NUP205: variants seen among roughly 807,000 people sequenced by gnomAD.
NUP205 encodes the protein nuclear pore complex protein Nup205.
Under a neutral mutation model 253.8 loss-of-function variants are expected in NUP205, and 76 were observed. The ratio of observed to expected loss-of-function variants is 0.30; its 90% CI spans 0.25 to 0.36. The LOEUF (loss-of-function observed/expected upper bound fraction) is 0.36. NUP205 is among the 10% of genes least tolerant of loss of function. The pLI, the probability that NUP205 is intolerant of heterozygous loss-of-function variation, is 1.00. For missense variants in NUP205, 2,162 were observed against 2,425.5 expected (o/e 0.89, Z 2.28); for synonymous variants, 832 against 850.1 (o/e 0.98, Z 0.37).
At chr7:135,590,496 G>A (rs1806599821) in intron 10 of NUP205, among the ~76,000 whole-genome samples, 1 of 151,594 alleles carries the variant, frequency 6.6e-6, no homozygotes, top group Non-Finnish European at 1.5e-5. Flanking sequence ...ATTTAAGTAA[G>A]TATATCTCTC....
intron 22 of NUP205, among the ~76,000 whole-genome samples, chr7:135,610,297 C>G (rs183074003): frequency 6.6e-6 from 1 of 152,090 alleles, no homozygotes; most frequent in African/African-American, 2.4e-5. Flanking sequence ...CTCAGCTCAC[C>G]GCAACCTCCA....
At chr7:135,638,476 TTTC>T in intron 37 of NUP205, 78 bp from the exon 38 acceptor site, 11 of 1,329,072 alleles carry the variant, frequency 8.3e-6, no homozygotes, top group Non-Finnish European at 1.1e-5. Context: ...TTGATAACCT[TTTC>T]TTCTTCAAAT....
At chr7:135,622,684 C>A (rs201225914) in intron 30 of NUP205, 93 bp from the exon 31 acceptor site, 75 of 932,506 alleles carry the variant, frequency 8.0e-5, no homozygotes, top group Non-Finnish European at 8.6e-5. Context: ...TTTTTTTTTT[C>A]TTCCTTAGCT....
Position 135,616,068 on chromosome 7 carries a change from G to A in NUP205, c.3460+3G>A. On this transcript the variant is annotated splice_donor_region_variant and intron_variant, in intron 24 of 42. Coordinates refer to ENST00000285968, the MANE Select transcript of NUP205 (RefSeq NM_015135.3). Reference sequence around the variant, plus strand: ...CATGCCAGTGAAACCATACTCAGGTGAGTATTAGTATTTGTTTTATTGTGC... The same window carrying A: ...CATGCCAGTGAAACCATACTCAGGTAAGTATTAGTATTTGTTTTATTGTGC... The A allele has an allele frequency of 2.5e-6, 4 of 1,612,240 alleles. No individual in the cohort carries two copies. Among genetic ancestry groups the A allele is most frequent in the Non-Finnish European group, 2.5e-6 (3 of 1,179,138 alleles).
intron 1 of NUP205, among the ~76,000 whole-genome samples, chr7:135,561,330 C>G (rs892239740): frequency 1.2e-4 from 18 of 152,056 alleles, no homozygotes; most frequent in African/African-American, 4.1e-4. Context: ...GGCAACAGAG[C>G]GAGACTCTGT....
At chr7:135,627,859 T>G (rs1396740860) in intron 33 of NUP205, 114 bp from the exon 34 acceptor site, 8 of 1,034,654 alleles carry the variant, frequency 7.7e-6, no homozygotes, top group Non-Finnish European at 1.2e-5. Flanking sequence ...TACTCACTAG[T>G]TGATTCACAT....
At chr7:135,632,282 A>G (rs1794730377) in intron 35 of NUP205, among the ~76,000 whole-genome samples, 1 of 151,678 alleles carries the variant, frequency 6.6e-6, no homozygotes, top group Non-Finnish European at 1.5e-5. Flanking sequence ...AATTGATTGG[A>G]AGACACAGCA....
At chr7:135,593,798 A>G (rs951354287) in intron 12 of NUP205, among the ~76,000 whole-genome samples, 2 of 152,198 alleles carry the variant, frequency 1.3e-5, no homozygotes, top group Non-Finnish European at 2.9e-5. Context: ...GTCAGTTATT[A>G]ACTATTTCTC....
At chr7:135,617,463 T>C (rs1794385460) in intron 26 of NUP205, 139 bp from the exon 27 acceptor site, 1 of 718,066 alleles carries the variant, frequency 1.4e-6, no homozygotes, top group East Asian at 2.7e-5. Flanking sequence ...GGTCTGGAAA[T>C]TGGACAGTGC....
intron 35 of NUP205, among the ~76,000 whole-genome samples, chr7:135,633,418 C>G (rs1183640031): frequency 6.6e-6 from 1 of 152,092 alleles, no homozygotes; most frequent in Non-Finnish European, 1.5e-5. Flanking sequence ...CTAGCTAGTA[C>G]TTTGTTTTTT....
chr7:135,598,050 C>A lies in NUP205; in HGVS notation c.2117C>A (p.Ala706Asp), dbSNP rs1320660513. 1.9e-6 allele frequency: 3 copies of A among 1,613,886 alleles called. No individual in the cohort carries two copies. The highest frequency in any genetic ancestry group is 1.7e-5 in the Admixed American group (1 of 59,972). Residue 706 changes from alanine to aspartate, a missense_variant, in exon 15 of 43, where the codon GCC becomes GAC. Around this residue, in one of 5 missense-constraint regions of NUP205, gnomAD observed 892 missense variants for 957.1 expected, o/e 0.93. Transcript: ENST00000285968. The part of the protein sequence containing the change: ...SRCEEYPLTR[A>D]FCQLISTLVE... ...TGTGAAGAATACCCATTGACTCGGGCCTTTTGCCAGCTTATTAGTACTCTG... is the reference window on the plus strand; with the variant it reads ...TGTGAAGAATACCCATTGACTCGGGACTTTTGCCAGCTTATTAGTACTCTG...
rs759776275 is a variant in NUP205, at chr7:135,625,348, C to A, written c.4664C>A (p.Ser1555Tyr). 6.3e-7 allele frequency: 1 copy of A among 1,585,510 alleles called. No homozygotes were observed. The highest frequency in any genetic ancestry group is 8.6e-7 in the Non-Finnish European group (1 of 1,168,558). ...TTAAAAGCACTTTATACTTATGAATCTAAAATGGTAAGGCTTTCTAGACAT... is the reference window on the plus strand; with the variant it reads ...TTAAAAGCACTTTATACTTATGAATATAAAATGGTAAGGCTTTCTAGACAT... The part of the protein sequence containing the change: ...PLLKALYTYE[S>Y]KMAFLTRVAK... Residue 1555 changes from serine (S) to tyrosine (Y), a missense_variant, in exon 32 of 43, where the codon TCT (serine) becomes TAT (tyrosine). By Grantham distance (144) the Ser-to-Tyr change is moderately radical (BLOSUM62 -2). Around this residue, in one of 5 missense-constraint regions of NUP205, gnomAD observed 1,144 missense variants for 1,280.9 expected, o/e 0.89. Coordinates refer to ENST00000285968, the MANE Select transcript of NUP205 (RefSeq NM_015135.3).
chr7:135,569,331 C>T (rs1404689969), intron 1 of NUP205, among the ~76,000 whole-genome samples: 3 of 152,212 alleles, frequency 2.0e-5, no homozygotes, highest in African/African-American at 2.4e-5. Flanking sequence ...CCTTGGCCTC[C>T]CAAAGTGCTG....
chr7:135,580,469 T>C (rs555765659), intron 7 of NUP205, among the ~76,000 whole-genome samples: 3 of 152,296 alleles, frequency 2.0e-5, no homozygotes, highest in African/African-American at 7.2e-5. Context: ...GTTAATATCT[T>C]CTTTTTTTAT....
chr7:135,627,163 T>C (rs754260933), intron 33 of NUP205, among the ~76,000 whole-genome samples: 1 of 152,188 alleles, frequency 6.6e-6, no homozygotes, highest in Non-Finnish European at 1.5e-5. Flanking sequence ...TATTTTCTTA[T>C]TCTGCTTTCG....
intron 7 of NUP205, among the ~76,000 whole-genome samples, chr7:135,582,331 T>C (rs76752432): frequency 0.062 from 9,453 of 152,294 alleles, 347 homozygotes; most frequent in South Asian, 0.14. Context: ...CTTTTAATTC[T>C]GGTGTTTTTG....
intron 37 of NUP205, 142 bp from the exon 38 acceptor site, chr7:135,638,415 A>G (rs924709627): frequency 7.2e-5 from 11 of 153,480 alleles, no homozygotes; most frequent in African/African-American, 2.4e-4. Context: ...ACTCCATCTG[A>G]AAAAAAAAAA....
At chr7:135,599,114 T>C (rs1468133021) in intron 15 of NUP205, among the ~76,000 whole-genome samples, 1 of 152,220 alleles carries the variant, frequency 6.6e-6, no homozygotes, top group Non-Finnish European at 1.5e-5. Context: ...TAACTACTTT[T>C]AGTCTTTTTC....
chr7:135,575,046 G>A (rs1245625658), intron 3 of NUP205, among the ~76,000 whole-genome samples: 1 of 152,152 alleles, frequency 6.6e-6, no homozygotes, highest in East Asian at 1.9e-4. Context: ...CCTACCATGT[G>A]CCAGGCATGG....
Sources: gnomAD v4.1 joint callset for allele counts (sites outside exome capture counted in the v4.1 genomes callset) on GRCh38, gnomAD v4.1.1 for gene constraint, gnomAD v4.1.1 regional missense constraint, MANE v1.5 for transcripts, NCBI Gene and HGNC (gene_info 2026-07-23, HGNC 2026-07-21) for gene names.